TTF1: variants seen among roughly 807,000 people sequenced by gnomAD.
TTF1 encodes transcription termination factor, RNA polymerase I.
A neutral mutation model predicts 80.2 loss-of-function variants in TTF1; 64 were observed. That is an observed-to-expected ratio of 0.80 (90% CI 0.65 to 0.98). The LOEUF is 0.98. Ranked by LOEUF, TTF1 falls within the 50% of genes least tolerant of loss-of-function variation. The probability of loss-of-function intolerance (pLI) is 0.00; values close to 1 mark genes in which losing one functional copy is unlikely to be tolerated. For missense variants in TTF1, 1,023 were observed against 1,086.2 expected (o/e 0.94, Z 0.82); for synonymous variants, 372 against 382.7 (o/e 0.97, Z 0.33).
At chr9:132,381,974 A>C (rs1373543858) in intron 9 of TTF1, among the ~76,000 whole-genome samples, 2 of 152,224 alleles carry the variant, frequency 1.3e-5, no homozygotes, top group Non-Finnish European at 2.9e-5. Flanking sequence ...TCTACCTTCC[A>C]AAACCAAAGG....
Position 132,388,175 on chromosome 9 carries a change from A to G in TTF1, c.2276T>C (p.Met759Thr), listed in dbSNP as rs1277240385. The stretch of plus-strand genomic sequence containing the variant: ...GCTGACCTTGGCCCGCAGGGCATTC[A>G]TGCCATAGTAGATACGCCGACCATT... ...MTNGRRIYYG[M>T]NALRAKVSLI... Residue 759 changes from methionine to threonine, a missense_variant, in exon 8 of 11, where the codon ATG (methionine) becomes ACG (threonine). Physicochemically the swap from Met to Thr is moderately conservative, Grantham distance 81. Transcript: ENST00000334270. 6.2e-7 allele frequency: 1 copy of G among 1,612,388 alleles called. No individual in the cohort carries two copies. Among genetic ancestry groups the G allele is most frequent in the Non-Finnish European group, 8.5e-7 (1 of 1,178,752 alleles).
intron 10 of TTF1, among the ~76,000 whole-genome samples, chr9:132,376,715 T>G (rs1392039882): frequency 6.7e-6 from 1 of 150,286 alleles, no homozygotes; most frequent in Non-Finnish European, 1.5e-5. Flanking sequence ...CCAGCTGAAG[T>G]GCAGTGGTGC....
intron 8 of TTF1, among the ~76,000 whole-genome samples, chr9:132,386,952 A>C (rs1849479188): frequency 6.6e-6 from 1 of 152,032 alleles, no homozygotes; most frequent in Non-Finnish European, 1.5e-5. Flanking sequence ...ACTATGTGAC[A>C]GACACTGTGA....
At chr9:132,394,007 C>T (rs1251116752) in intron 5 of TTF1, among the ~76,000 whole-genome samples, 6 of 151,868 alleles carry the variant, frequency 4.0e-5, no homozygotes, top group Non-Finnish European at 7.4e-5. Flanking sequence ...CTGCAACCTC[C>T]ACCTCCTGGG....
At chr9:132,385,336 G>C (rs1007176723) in intron 9 of TTF1, among the ~76,000 whole-genome samples, 1 of 152,208 alleles carries the variant, frequency 6.6e-6, no homozygotes, top group African/African-American at 2.4e-5. Flanking sequence ...GAAAACCAGA[G>C]AATTGCTAGT....
At chr9:132,392,542 G>C (rs1357208788) in intron 5 of TTF1, among the ~76,000 whole-genome samples, 1 of 152,034 alleles carries the variant, frequency 6.6e-6, no homozygotes, top group Non-Finnish European at 1.5e-5. Flanking sequence ...CGTTTAAAGG[G>C]TGCGTTTTCG....
In TTF1 at chr9:132,376,084, A is replaced by T; in HGVS notation, c.2549T>A (p.Ile850Asn). ...TTGCTTGGGTGCTGCAGGAGTCTGG[A>T]TTTTAGTGCCTTTTTTCTCCATCAT... ...EKMMEKKGTK[I>N]QTPAAPKQVF... Residue 850 changes from isoleucine to asparagine, a missense_variant, in exon 11 of 11, where the codon ATC (isoleucine) becomes AAC (asparagine). Ile to Asn is a moderately radical substitution (Grantham distance 149). Coordinates refer to ENST00000334270, the MANE Select transcript of TTF1 (RefSeq NM_007344.4). The T allele has an allele frequency of 6.2e-7, 1 of 1,614,172 alleles. No individual in the cohort carries two copies. Among genetic ancestry groups the T allele is most frequent in the Non-Finnish European group, 8.5e-7 (1 of 1,180,040 alleles).
intron 3 of TTF1, 63 bp downstream of exon 3, chr9:132,399,972 G>C: frequency 1.3e-6 from 2 of 1,533,188 alleles, no homozygotes. Context: ...ATCCATAAAA[G>C]AAAGTTAGGT....
intron 1 of TTF1, among the ~76,000 whole-genome samples, chr9:132,405,664 T>C (rs1849852690): frequency 6.6e-6 from 1 of 152,254 alleles, no homozygotes; most frequent in Non-Finnish European, 1.5e-5. Flanking sequence ...CCTGTTATTC[T>C]TAAGATAAAG....
In TTF1 at chr9:132,392,081, C is replaced by T. The variant is rs925093440; in HGVS notation, c.1982G>A (p.Ser661Asn). 6.2e-7 allele frequency: 1 copy of T among 1,613,990 alleles called. No homozygotes were observed. The highest frequency in any genetic ancestry group is 8.5e-7 in the Non-Finnish European group (1 of 1,180,008). The change falls in exon 6 of 11, where the codon AGC becomes AAC. Residue 661 changes from serine (S) to asparagine (N), a missense_variant. Physicochemically the swap from Ser to Asn is conservative, Grantham distance 46. Transcript: ENST00000334270. The part of the protein sequence containing the change: ...LSVALKFSQI[S>N]SQRNRGAWSK... ...CACTGGGGGCTGCCACTTACGACTG[C>T]TGATCTGTGAGAACTTGAGGGCCAC...
intron 10 of TTF1, among the ~76,000 whole-genome samples, chr9:132,378,145 TGTG>T (rs553845187): frequency 0.037 from 4,294 of 117,578 alleles, 143 homozygotes; most frequent in Non-Finnish European, 0.054. Context: ...TGTGAGTGCA[TGTG>T]GTGTGTGTGA....
At chr9:132,399,512 A>G (rs693650) in intron 3 of TTF1, among the ~76,000 whole-genome samples, 13 of 151,810 alleles carry the variant, frequency 8.6e-5, no homozygotes, top group African/African-American at 3.1e-4. Context: ...CTTAAACCCA[A>G]TAAGCTTTAT....
chr9:132,390,596 C>G lies in TTF1; in HGVS notation c.2222+1G>C. On this transcript the variant is annotated splice_donor_variant, in intron 7 of 10. Transcript: ENST00000334270. LOFTEE classifies it high-confidence loss of function. ...AGAGAAAGAGAGAGGGAAGAACTTA[C>G]CACTTACTTTTACACTGCATCCAAT... 1.2e-6 allele frequency: 2 copies of G among 1,613,362 alleles called. No individual in the cohort carries two copies. The highest frequency in any genetic ancestry group is 3.3e-4 in the Middle Eastern group (2 of 6,058).
intron 9 of TTF1, among the ~76,000 whole-genome samples, chr9:132,381,179 A>G (rs1197640038): frequency 6.6e-6 from 1 of 152,026 alleles, no homozygotes; most frequent in East Asian, 1.9e-4. Context: ...GCATACACAA[A>G]TTTAATGGAA....
chr9:132,404,290 G>T (rs1386469651), intron 1 of TTF1, among the ~76,000 whole-genome samples: 1 of 152,130 alleles, frequency 6.6e-6, no homozygotes, highest in African/African-American at 2.4e-5. Flanking sequence ...TTCTACAGAA[G>T]CTACCTAATT....
chr9:132,384,438 G>A lies in TTF1; in HGVS notation c.2378+2118C>T, dbSNP rs188757979. On this transcript the variant is annotated intron_variant, in intron 9 of 10. Transcript: ENST00000334270. The surrounding 1 kb of genome is among the most constrained non-coding windows in gnomAD (Gnocchi z 4.1). ...AGATAGGGTCAACGCAATCAAAGCT[G>A]GTGCTTTGAAAAGACAATCTCTGGT... 3.3e-5 allele frequency among the ~76,000 whole-genome samples: 5 copies of A among 152,202 alleles called. No homozygotes were observed. In the East Asian group the frequency reaches 7.7e-4, roughly 23 times the overall value.
intron 1 of TTF1, among the ~76,000 whole-genome samples, chr9:132,403,860 A>C (rs1849812497): frequency 6.6e-6 from 1 of 152,194 alleles, no homozygotes; most frequent in African/African-American, 2.4e-5. Flanking sequence ...TTGTGAAAGA[A>C]GTTGGATATG....
rs1191371180 is a variant in TTF1 at position 132,402,207 on chromosome 9, A to G, written c.615T>C (p.Gly205=). The change falls in exon 2 of 11, where the codon GGT becomes GGC. Residue 205 remains glycine (G), a synonymous_variant. Coordinates refer to ENST00000334270, the MANE Select transcript of TTF1 (RefSeq NM_007344.4). Reference sequence around the variant, plus strand: ...CAGATGCTGGTAGTTCTGTAATTTCACCCCCTGGACCCACAGAAAGCCAGG... The same window carrying G: ...CAGATGCTGGTAGTTCTGTAATTTCGCCCCCTGGACCCACAGAAAGCCAGG... ...EESWLSVGPG[G]EITELPASAH... is the part of the protein sequence containing the mutation. 6.2e-7 allele frequency: 1 copy of G among 1,613,202 alleles called. No individual in the cohort carries two copies. Among genetic ancestry groups the G allele is most frequent in the South Asian group, 1.1e-5 (1 of 91,018 alleles).
At chr9:132,385,467 A>ACCCAG (rs1849448799) in intron 9 of TTF1, among the ~76,000 whole-genome samples, 1 of 152,174 alleles carries the variant, frequency 6.6e-6, no homozygotes, top group Non-Finnish European at 1.5e-5. Context: ...CTGCACACGC[A>ACCCAG]CCCAGCCCAT....
Sources: allele counts gnomAD v4.1 joint callset (sites outside exome capture counted in the v4.1 genomes callset), GRCh38; gene constraint gnomAD v4.1.1; non-coding constraint Gnocchi (gnomAD v3.1); transcripts MANE v1.5; gene names NCBI Gene and HGNC (gene_info 2026-07-23, HGNC 2026-07-21).